The following SHCBP1L variants were observed in gnomAD, a reference collection of about 807,000 sequenced individuals.
The protein encoded by SHCBP1L is testicular spindle-associated protein SHCBP1L.
A neutral mutation model predicts 62.5 loss-of-function variants in SHCBP1L; 67 were observed. That is an observed-to-expected ratio of 1.07 (90% confidence interval 0.88 to 1.31). SHCBP1L has a LOEUF of 1.31. Among genes scored for constraint, SHCBP1L ranks in the 40% most tolerant of loss-of-function variants. The pLI is 0.00. For missense variants in SHCBP1L, 823 were observed against 809.8 expected (o/e 1.02, Z -0.20); for synonymous variants, 284 against 289.4 (o/e 0.98, Z 0.19).
chr1:182,924,562 C>T (rs1374179442), intron 6 of SHCBP1L, among the ~76,000 whole-genome samples: 1 of 151,498 alleles, frequency 6.6e-6, no homozygotes, highest in Non-Finnish European at 1.5e-5. Context: ...TTCCAAAGTG[C>T]TGGGATTACA....
At position 182,907,767 on chromosome 1, in the gene SHCBP1L, C is replaced by T. The variant is rs558006063; in HGVS notation, c.1183-2118G>A. 1.9e-4 allele frequency among the ~76,000 whole-genome samples: 29 copies of T among 151,826 alleles called. 1 individual carries two copies. Among genetic ancestry groups the T allele is most frequent in the African/African-American group, 3.6e-4 (15 of 41,406 alleles). Reference sequence around the variant, plus strand: ...CTAATTTTTGTATTTTTAGTGGAGACGGGGTTTCACCATGTTGGCCAGGCT... The same window carrying T: ...CTAATTTTTGTATTTTTAGTGGAGATGGGGTTTCACCATGTTGGCCAGGCT... On this transcript the variant is annotated intron_variant, in intron 6 of 9. Transcript: ENST00000367547.
chr1:182,927,577 CAGG>C (rs1436551569), intron 6 of SHCBP1L, among the ~76,000 whole-genome samples: 1 of 147,102 alleles, frequency 6.8e-6, no homozygotes, highest in African/African-American at 2.5e-5. Flanking sequence ...GAGGCTGAGG[CAGG>C]AGAATGGCGT....
intron 5 of SHCBP1L, 120 bp from the exon 6 acceptor site, chr1:182,929,872 T>C: frequency 1.5e-6 from 1 of 656,112 alleles, no homozygotes; most frequent in South Asian, 2.0e-5. Context: ...CAATTATAAG[T>C]TCCTTGAGAG....
intron 6 of SHCBP1L, among the ~76,000 whole-genome samples, chr1:182,924,782 A>T (rs200989519): frequency 9.9e-6 from 1 of 101,314 alleles, no homozygotes; most frequent in Non-Finnish European, 1.8e-5. Context: ...GAAAGAAAGA[A>T]AGAAAGAGAG....
chr1:182,927,277 C>G (rs1650796072), intron 6 of SHCBP1L, among the ~76,000 whole-genome samples: 1 of 151,636 alleles, frequency 6.6e-6, no homozygotes, highest in Non-Finnish European at 1.5e-5. Context: ...GTAAAGATCA[C>G]CAACATAAGA....
intron 5 of SHCBP1L, among the ~76,000 whole-genome samples, chr1:182,930,141 C>T (rs1037816219): frequency 5.3e-5 from 8 of 152,034 alleles, no homozygotes; most frequent in African/African-American, 1.7e-4. Flanking sequence ...AGAATATTTT[C>T]GAATATACAT....
At chr1:182,902,954 C>T in intron 9 of SHCBP1L, 85 bp downstream of exon 9, 2 of 1,046,734 alleles carry the variant, frequency 1.9e-6, no homozygotes, top group East Asian at 2.7e-5. Context: ...ATGTAGACTG[C>T]CTTTTAAGAC....
chr1:182,939,113 T>A, intron 5 of SHCBP1L, 63 bp downstream of exon 5: 2 of 1,278,710 alleles, frequency 1.6e-6, no homozygotes, highest in Non-Finnish European at 2.2e-6. Context: ...ACAAATTAAG[T>A]GCTATGATAA....
intron 9 of SHCBP1L, among the ~76,000 whole-genome samples, chr1:182,901,910 C>A (rs1193500355): frequency 6.6e-6 from 1 of 152,026 alleles, no homozygotes; most frequent in African/African-American, 2.4e-5. Flanking sequence ...TGGGCCTCTG[C>A]AAGAATGATT....
intron 6 of SHCBP1L, among the ~76,000 whole-genome samples, chr1:182,924,297 AT>A (rs1216759641): frequency 0.14 from 19,094 of 137,342 alleles, 1,817 homozygotes; most frequent in African/African-American, 0.32. Flanking sequence ...AGAAGAATCA[AT>A]TTTTTTTTTT....
chr1:182,933,244 T>C (rs1224786578), intron 5 of SHCBP1L, among the ~76,000 whole-genome samples: 1 of 150,566 alleles, frequency 6.6e-6, no homozygotes, highest in Non-Finnish European at 1.5e-5. Context: ...TATTTCATTA[T>C]AGGATTTTCT....
chr1:182,950,635 G>C (rs1651714572), intron 2 of SHCBP1L: 1 of 150,280 alleles, frequency 6.7e-6, no homozygotes, highest in Admixed American at 6.6e-5. Flanking sequence ...GGTTGCAGTA[G>C]CCGAGATCAC....
chr1:182,931,248 C>CT (rs1160161518), intron 5 of SHCBP1L, among the ~76,000 whole-genome samples: 3,506 of 146,668 alleles, frequency 0.024, 127 homozygotes, highest in African/African-American at 0.081. Context: ...CATTCATACA[C>CT]TTTTTTTTTT....
At chr1:182,950,029 T>A (rs190561813) in intron 2 of SHCBP1L, among the ~76,000 whole-genome samples, 1 of 152,202 alleles carries the variant, frequency 6.6e-6, no homozygotes, top group East Asian at 1.9e-4. Context: ...GTGATTCACC[T>A]ACCTTGGCCT....
chr1:182,919,675 G>A (rs1259913405), intron 6 of SHCBP1L, among the ~76,000 whole-genome samples: 1 of 152,172 alleles, frequency 6.6e-6, no homozygotes, highest in African/African-American at 2.4e-5. Flanking sequence ...ATTTTGGGCA[G>A]GTCAATGGGT....
At chr1:182,910,577 G>A (rs1204637530) in intron 6 of SHCBP1L, among the ~76,000 whole-genome samples, 3 of 152,172 alleles carry the variant, frequency 2.0e-5, no homozygotes, top group South Asian at 2.1e-4. Flanking sequence ...TTCCTCAGAC[G>A]AGGGGCTGAA....
chr1:182,939,351 G>A lies in SHCBP1L; in HGVS notation c.901C>T (p.Gln301Ter), dbSNP rs201527565. ...QDGTIPGPIAQRFKKTLEKYK... is the reference protein window; with the variant it reads ...QDGTIPGPIA Reference sequence around the variant, plus strand: ...TTCTCCAAAGTTTTTTTAAAACGTTGTGCGATAGGACCAGGTATTGTTCCA... The same window carrying A: ...TTCTCCAAAGTTTTTTTAAAACGTTATGCGATAGGACCAGGTATTGTTCCA... The change falls in exon 5 of 10, where the codon CAA becomes TAA. Residue 301 changes from glutamine (Q) to a stop codon, truncating the protein, a stop_gained. Coordinates refer to ENST00000367547, the MANE Select transcript of SHCBP1L (RefSeq NM_030933.4). LOFTEE classifies it high-confidence loss of function. The A allele has an allele frequency of 1.4e-4, 233 of 1,613,784 alleles. 1 individual carries two copies. Among genetic ancestry groups the A allele is most frequent in the Admixed American group, 1.7e-4 (10 of 59,992 alleles).
chr1:182,903,173 A>T lies in SHCBP1L; in HGVS notation c.1588-12T>A, dbSNP rs1179166423. On this transcript the variant is annotated splice_polypyrimidine_tract_variant and intron_variant, in intron 8 of 9. Transcript: ENST00000367547. ...TCAACACCAGCACCCTGTAAATTAA[A>T]AGCAAATAAAACTATCTACAAAATA... The T allele has an allele frequency of 1.3e-6, 2 of 1,518,010 alleles. No individual in the cohort carries two copies. The highest frequency in any genetic ancestry group is 1.8e-6 in the Non-Finnish European group (2 of 1,135,376). 94.0% of individuals were successfully genotyped at this position (1,518,010 alleles called of 1,614,324 possible).
chr1:182,900,527 G>A (rs1327590387), intron 9 of SHCBP1L, among the ~76,000 whole-genome samples: 4 of 152,078 alleles, frequency 2.6e-5, no homozygotes, highest in Non-Finnish European at 5.9e-5. Flanking sequence ...CCGCCTCCCG[G>A]TTCAAGTGAT....
Sources: allele counts gnomAD v4.1 joint callset (sites outside exome capture counted in the v4.1 genomes callset), GRCh38; gene constraint gnomAD v4.1.1; transcripts MANE v1.5; gene names NCBI Gene and HGNC (gene_info 2026-07-23, HGNC 2026-07-21).